The following VASN variants were observed in gnomAD, a reference collection of about 807,000 sequenced individuals.
VASN encodes protein slit-like 2.
A neutral mutation model predicts 4.8 loss-of-function variants in VASN; 5 were observed. That is an observed-to-expected ratio of 1.03 (90% confidence interval 0.54 to 2.17). The LOEUF (loss-of-function observed/expected upper bound fraction) is 2.17, where lower values mean the gene tolerates loss of function less well. Ranked by LOEUF, VASN falls within the 30% of genes most tolerant of loss-of-function variation. VASN has a pLI of 0.01. For missense variants in VASN, 927 were observed against 948.8 expected, an observed-to-expected ratio of 0.98 and a Z score of 0.30; for synonymous variants, 499 against 460.8, an observed-to-expected ratio of 1.08 and a Z score of -1.06.
chr16:4,372,170 C>G (rs929345133), intron 1 of VASN, among the ~76,000 whole-genome samples, 177 bp downstream of exon 1: 1 of 152,024 alleles, frequency 6.6e-6, no homozygotes, highest in African/African-American at 2.4e-5. Context: ...GCTCCCTCCC[C>G]CGCCGTCCTG....
At chr16:4,378,324 G>A (rs999622548) in intron 1 of VASN, among the ~76,000 whole-genome samples, 1 of 151,774 alleles carries the variant, frequency 6.6e-6, no homozygotes, top group Non-Finnish European at 1.5e-5. Flanking sequence ...CCCAAGGGGA[G>A]CTGCGGCCAC....
rs914549394 is a variant in VASN, at chr16:4,371,973, C to G, written c.-30C>G. 2.9e-4 allele frequency: 45 copies of G among 152,832 alleles called. No homozygotes were observed. The highest frequency in any genetic ancestry group is 1.0e-3 in the African/African-American group (43 of 41,564). 9.5% of individuals were successfully genotyped at this position (152,832 alleles called of 1,614,324 possible). On this transcript the variant is annotated 5_prime_UTR_variant, in exon 1 of 2. Transcript: ENST00000304735. ...GCCGCGGCCTGCCCCGCCCGGCTCC[C>G]TGCGCCGCCGCCGCCTCCCGGTGAG... is the stretch of plus-strand genomic sequence containing the variant.
intron 1 of VASN, among the ~76,000 whole-genome samples, chr16:4,372,246 C>G (rs1247260034): frequency 1.3e-5 from 2 of 152,170 alleles, no homozygotes; most frequent in African/African-American, 4.8e-5. Context: ...CGCGAGGCTG[C>G]AAGCAGACAA....
Position 4,382,457 on chromosome 16 carries a change from C to T in VASN, c.1580C>T (p.Pro527Leu). Residue 527 changes from proline to leucine, a missense_variant, in exon 2 of 2, where the codon CCC becomes CTC. Physicochemically the swap from Pro to Leu is moderately conservative, Grantham distance 98 (BLOSUM62 -3). Transcript: ENST00000304735. ...GAGTACACGGTCACCCAGCTGCGGC[C>T]CAACGCCACTTACTCCGTCTGTGTC... is the stretch of plus-strand genomic sequence containing the variant. ...LAEYTVTQLRPNATYSVCVMP... is the reference protein window; with the variant it reads ...LAEYTVTQLRLNATYSVCVMP... 2 of 1,608,592 alleles carry T rather than the reference C, an allele frequency of 1.2e-6. No individual in the cohort carries two copies. The highest frequency in any genetic ancestry group is 1.7e-6 in the Non-Finnish European group (2 of 1,177,944).
intron 1 of VASN, among the ~76,000 whole-genome samples, chr16:4,372,868 C>T (rs1435857947): frequency 6.6e-6 from 1 of 152,150 alleles, no homozygotes; most frequent in Non-Finnish European, 1.5e-5. Flanking sequence ...CTAGGTGTCC[C>T]CATGCCTGCC....
At chr16:4,379,696 G>A (rs2054880040) in intron 1 of VASN, among the ~76,000 whole-genome samples, 1 of 151,918 alleles carries the variant, frequency 6.6e-6, no homozygotes, top group Non-Finnish European at 1.5e-5. Flanking sequence ...CACTGCCAAG[G>A]GGATGGCTGC....
At position 4,381,961 on chromosome 16, in the gene VASN, A is replaced by T; in HGVS notation, c.1084A>T (p.Arg362Trp). 6.2e-7 allele frequency: 1 copy of T among 1,608,696 alleles called. No homozygotes were observed. Among genetic ancestry groups the T allele is most frequent in the Non-Finnish European group, 8.5e-7 (1 of 1,178,980 alleles). Residue 362 changes from arginine (R) to tryptophan (W), a missense_variant, in exon 2 of 2, where the codon AGG becomes TGG. Transcript: ENST00000304735. ...CACCACAGCCACAGTGCCCACCACG[A>T]GGCCCGTGGTGCGGGAGCCCACAGC... ...TTTTATVPTT[R>W]PVVREPTALS...
Position 4,382,632 on chromosome 16 carries a change from G to A in VASN, c.1755G>A (p.Val585=), listed in dbSNP as rs770564279. The A allele has an allele frequency of 5.2e-5, 81 of 1,563,836 alleles. No homozygotes were observed. The Middle Eastern group carries it at 6.8e-4, about 13-fold the overall frequency. ...TCATTGCGCCCGCCCTGGCCGCGGT[G>A]CTCCTGGCCGCGCTGGCTGCGGTGG... is the stretch of plus-strand genomic sequence containing the variant. ...PLLIAPALAA[V]LLAALAAVGA... Residue 585 remains valine, a synonymous_variant, in exon 2 of 2, where the codon GTG becomes GTA. Transcript: ENST00000304735.
intron 1 of VASN, among the ~76,000 whole-genome samples, chr16:4,374,717 C>T (rs1046051637): frequency 2.6e-5 from 4 of 152,134 alleles, no homozygotes; most frequent in East Asian, 1.9e-4. Context: ...ACCCCAGGGG[C>T]GCCATTTCTG....
intron 1 of VASN, among the ~76,000 whole-genome samples, chr16:4,380,172 C>G (rs73507284): frequency 0.053 from 8,026 of 152,206 alleles, 258 homozygotes; most frequent in Admixed American, 0.1. Context: ...GGCCCCCCAG[C>G]TCCAGCTCTG....
rs571697999 is a variant in VASN, at chr16:4,381,141, C to T, written c.264C>T (p.Ile88=). 1.9e-5 allele frequency: 30 copies of T among 1,610,326 alleles called. No individual in the cohort carries two copies. In the East Asian group the frequency reaches 3.6e-4, roughly 19 times the overall value. The change falls in exon 2 of 2, where the codon ATC becomes ATT. Residue 88 remains isoleucine, a synonymous_variant. Coordinates refer to ENST00000304735, the MANE Select transcript of VASN (RefSeq NM_138440.3). The part of the protein sequence containing the change: ...LQLLDLSQNQ[I]ASLPSGVFQP... ...TCCTGGACCTGTCACAGAACCAGAT[C>T]GCCAGCCTGCCCAGCGGGGTCTTCC...
intron 1 of VASN, 143 bp downstream of exon 1, chr16:4,372,136 CCGCCCGGCGGGCAGGCCCTGT>C (rs2054556447): frequency 6.6e-6 from 1 of 151,816 alleles, no homozygotes; most frequent in African/African-American, 2.4e-5. Context: ...GTCACCTGGG[CCGCCCGGCGGGCAGGCCCTGT>C]ACGCTCCCTC....
In VASN at chr16:4,381,039, G is replaced by A. The variant is rs377058440; in HGVS notation, c.162G>A (p.Thr54=). 1.7e-5 allele frequency: 28 copies of A among 1,610,422 alleles called. No homozygotes were observed. The highest frequency in any genetic ancestry group is 6.7e-5 in the East Asian group (3 of 44,790). The change falls in exon 2 of 2, where the codon ACG becomes ACA. Residue 54 remains threonine (T), a synonymous_variant. Transcript: ENST00000304735. ...TGCCCCGAGACGTGCCACCCGACAC[G>A]GTGGGGCTGTACGTCTTTGAGAACG... The part of the protein sequence containing the change: ...TTVPRDVPPD[T]VGLYVFENGI...
Position 4,382,645 on chromosome 16 carries a change from C to T in VASN, c.1768C>T (p.Leu590=). Residue 590 remains leucine, a synonymous_variant, in exon 2 of 2, where the codon CTG becomes TTG. Coordinates refer to ENST00000304735, the MANE Select transcript of VASN (RefSeq NM_138440.3). ...CCTGGCCGCGGTGCTCCTGGCCGCGCTGGCTGCGGTGGGGGCAGCCTACTG... is the reference window on the plus strand; with the variant it reads ...CCTGGCCGCGGTGCTCCTGGCCGCGTTGGCTGCGGTGGGGGCAGCCTACTG... ...PALAAVLLAA[L]AAVGAAYCVR... The T allele has an allele frequency of 3.2e-6, 5 of 1,557,090 alleles. No homozygotes were observed. Among genetic ancestry groups the T allele is most frequent in the Non-Finnish European group, 4.3e-6 (5 of 1,152,850 alleles).
chr16:4,376,718 C>T (rs1488087453), intron 1 of VASN, among the ~76,000 whole-genome samples: 1 of 152,154 alleles, frequency 6.6e-6, no homozygotes, highest in African/African-American at 2.4e-5. Context: ...CCTTGTCCTC[C>T]TTACTCATAG....
At chr16:4,378,917 C>T (rs1051432492) in intron 1 of VASN, among the ~76,000 whole-genome samples, 8 of 152,058 alleles carry the variant, frequency 5.3e-5, no homozygotes, top group African/African-American at 1.9e-4. Context: ...GGGGAGACGA[C>T]TCTGGCAGTG....
rs112578905 is a variant in VASN, at chr16:4,374,086, C to CGTGTGTGTGTGTGTGTGTGT, written c.-10+2094_-10+2113dup. On this transcript the variant is annotated intron_variant, in intron 1 of 1. Coordinates refer to ENST00000304735, the MANE Select transcript of VASN (RefSeq NM_138440.3). ...GTTCTTGGAGAAGGGGGAGGGTGCA[C>CGTGTGTGTGTGTGTGTGTGT]GTGTGTGTGTGTGTGTGTGTCTGCA... Among the ~76,000 whole-genome samples, 949 of 148,760 alleles carry CGTGTGTGTGTGTGTGTGTGT rather than the reference C, an allele frequency of 6.4e-3. 6 individuals carry two copies. Among genetic ancestry groups the CGTGTGTGTGTGTGTGTGTGT allele is most frequent in the African/African-American group, 0.022 (896 of 40,558 alleles).
rs1348492337 is a variant in VASN at position 4,371,882 on chromosome 16, G to T, written c.-121G>T. 1.3e-5 allele frequency: 2 copies of T among 152,090 alleles called. No individual in the cohort carries two copies. The highest frequency in any genetic ancestry group is 2.9e-5 in the Non-Finnish European group (2 of 67,970). 9.4% of individuals were successfully genotyped at this position (152,090 alleles called of 1,614,324 possible). A position where few individuals can be genotyped will look rare whatever the true frequency, so the allele number is the denominator to read the frequency against. On this transcript the variant is annotated 5_prime_UTR_variant, in exon 1 of 2. Coordinates refer to ENST00000304735, the MANE Select transcript of VASN (RefSeq NM_138440.3). ...GCCCGAGCCCGGGGCGGGTGGACGC[G>T]GACTCGAACGCAGTTGCTTCGGGAC...
At chr16:4,380,615 T>C (rs1399990919) in intron 1 of VASN, among the ~76,000 whole-genome samples, 1 of 151,942 alleles carries the variant, frequency 6.6e-6, no homozygotes, top group African/African-American at 2.4e-5. Flanking sequence ...GAGGAAGCAG[T>C]GCATGGTCAC....
Sources: gnomAD v4.1 joint callset for allele counts (sites outside exome capture counted in the v4.1 genomes callset) on GRCh38, gnomAD v4.1.1 for gene constraint, MANE v1.5 for transcripts, NCBI Gene and HGNC (gene_info 2026-07-23, HGNC 2026-07-21) for gene names.